The following PTPRE variants were observed in gnomAD, a reference collection of about 807,000 sequenced individuals.
PTPRE encodes protein tyrosine phosphatase receptor type E.
Under a neutral mutation model 102.0 loss-of-function variants are expected in PTPRE, and 51 were observed. The observed-to-expected ratio is 0.50, with a 90% CI of 0.40 to 0.63. The LOEUF is 0.63. PTPRE is among the 30% of genes least tolerant of loss of function. The pLI is 0.00. For synonymous variants in PTPRE, 345 were observed against 348.2 expected, an observed-to-expected ratio of 0.99 and a Z score of 0.10; for missense variants, 752 against 915.1, an observed-to-expected ratio of 0.82 and a Z score of 2.30.
intron 12 of PTPRE, 185 bp downstream of exon 12, chr10:128,068,471 C>T (rs1044655364): frequency 1.2e-5 from 7 of 563,388 alleles, no homozygotes; most frequent in Non-Finnish European, 1.7e-5. Flanking sequence ...TTCAGAGAGC[C>T]CCCTCTTCAT....
chr10:127,983,356 C>T (rs61732645), intron 2 of PTPRE, among the ~76,000 whole-genome samples: 267 of 152,256 alleles, frequency 1.8e-3, no homozygotes, highest in Middle Eastern at 6.8e-3. Context: ...TCTATGTTCT[C>T]CATTGCATCA....
rs1848471605 is a variant in PTPRE, at chr10:127,944,451, G to A, written c.-31+37142G>A. ...AAGTGGATGGATGGATGGACAGATG[G>A]ATGGATACATGGACAGACGGATGGA... On this transcript the variant is annotated intron_variant, in intron 1 of 20. Coordinates refer to ENST00000254667, the MANE Select transcript of PTPRE (RefSeq NM_006504.6). The surrounding 1 kb of genome is among the most constrained non-coding windows in gnomAD (Gnocchi z 4.2). Among the ~76,000 whole-genome samples, 1 of 151,508 alleles carries A rather than the reference G, an allele frequency of 6.6e-6. No individual in the cohort carries two copies. The highest frequency in any genetic ancestry group is 2.4e-5 in the African/African-American group (1 of 41,194).
At chr10:127,967,548 T>C (rs1319629358) in intron 1 of PTPRE, among the ~76,000 whole-genome samples, 3 of 152,244 alleles carry the variant, frequency 2.0e-5, no homozygotes, top group Non-Finnish European at 4.4e-5. Context: ...TGTGAGGCCT[T>C]CCCAGCCATG....
intron 2 of PTPRE, among the ~76,000 whole-genome samples, chr10:127,993,900 T>C (rs1338149993): frequency 6.6e-6 from 1 of 151,950 alleles, no homozygotes; most frequent in African/African-American, 2.4e-5. Flanking sequence ...ATCCTCCCTG[T>C]TGAGGAGTTG....
intron 20 of PTPRE, among the ~76,000 whole-genome samples, chr10:128,080,903 C>T (rs1851654664): frequency 6.6e-6 from 1 of 152,178 alleles, no homozygotes; most frequent in Non-Finnish European, 1.5e-5. Context: ...GCGTTGGGCG[C>T]AGTGCAACCA....
chr10:128,026,433 T>G (rs61873759), intron 2 of PTPRE, among the ~76,000 whole-genome samples: 3 of 152,066 alleles, frequency 2.0e-5, no homozygotes, highest in Non-Finnish European at 4.4e-5. Flanking sequence ...AAGGAAGATA[T>G]AGAACAACGC....
At chr10:128,067,339 CACACACATT>C (rs1590210982) in intron 11 of PTPRE, among the ~76,000 whole-genome samples, 1 of 143,918 alleles carries the variant, frequency 6.9e-6, no homozygotes, top group East Asian at 2.2e-4. Flanking sequence ...CACATACATC[CACACACATT>C]CACACACGCA....
intron 2 of PTPRE, among the ~76,000 whole-genome samples, chr10:128,001,766 A>G (rs1400938696): frequency 1.3e-5 from 2 of 152,126 alleles, no homozygotes; most frequent in Non-Finnish European, 2.9e-5. Context: ...TAGTATTAGG[A>G]GCTGCGGAAA....
intron 3 of PTPRE, among the ~76,000 whole-genome samples, chr10:128,042,021 C>A (rs1192193374): frequency 8.5e-5 from 13 of 152,186 alleles, no homozygotes; most frequent in Non-Finnish European, 1.8e-4. Flanking sequence ...TTTTCCTCTT[C>A]ATGTTGAAAC....
At chr10:127,993,558 T>C (rs570852275) in intron 2 of PTPRE, among the ~76,000 whole-genome samples, 3 of 152,138 alleles carry the variant, frequency 2.0e-5, no homozygotes, top group East Asian at 3.9e-4. Flanking sequence ...GGAACCTGCG[T>C]TGCTGATGGA....
intron 2 of PTPRE, among the ~76,000 whole-genome samples, chr10:128,038,056 C>T (rs980358375): frequency 4.0e-5 from 6 of 151,252 alleles, no homozygotes; most frequent in African/African-American, 7.3e-5. Context: ...CCGCCTCGGC[C>T]TCTCAAAATA....
intron 5 of PTPRE, 71 bp downstream of exon 5, chr10:128,047,908 T>C (rs1395896137): frequency 6.8e-7 from 1 of 1,460,722 alleles, no homozygotes; most frequent in Non-Finnish European, 9.2e-7. Flanking sequence ...TGAGGTGCTT[T>C]CTGCCTTTAA....
intron 3 of PTPRE, among the ~76,000 whole-genome samples, chr10:128,041,646 C>CAAAAA (rs59411622): frequency 3.9e-5 from 3 of 77,366 alleles, no homozygotes; most frequent in African/African-American, 5.4e-5. Flanking sequence ...GACTACGTCT[C>CAAAAA]AAAAAAAAAA....
chr10:128,015,485 G>A (rs1199626256), intron 2 of PTPRE, among the ~76,000 whole-genome samples: 1 of 152,044 alleles, frequency 6.6e-6, no homozygotes, highest in African/African-American at 2.4e-5. Flanking sequence ...TCCTGCCTCA[G>A]CCTCCTGAGT....
intron 16 of PTPRE, among the ~76,000 whole-genome samples, chr10:128,072,915 C>A (rs1363456372): frequency 6.6e-6 from 1 of 152,138 alleles, no homozygotes; most frequent in Non-Finnish European, 1.5e-5. Context: ...GTGGAGTTCG[C>A]AGAAGAAGGG....
At chr10:128,027,581 T>TA (rs1846375764) in intron 2 of PTPRE, among the ~76,000 whole-genome samples, 1 of 152,184 alleles carries the variant, frequency 6.6e-6, no homozygotes, top group African/African-American at 2.4e-5. Context: ...CTTTCCTTCC[T>TA]AATCCAGAAA....
intron 1 of PTPRE, among the ~76,000 whole-genome samples, chr10:127,976,961 C>T (rs542973575): frequency 2.8e-4 from 43 of 152,190 alleles, no homozygotes; most frequent in Non-Finnish European, 5.9e-4. Flanking sequence ...CCGCAGGGGC[C>T]GTGGCTGCGG....
At chr10:128,071,170 G>C in intron 15 of PTPRE, 1 of 483,588 alleles carries the variant, frequency 2.1e-6, no homozygotes, top group South Asian at 2.7e-5. Context: ...GGCAGCCGAG[G>C]CTGATTTCAG....
chr10:127,966,047 G>C (rs998265177), intron 1 of PTPRE, among the ~76,000 whole-genome samples: 2 of 152,266 alleles, frequency 1.3e-5, no homozygotes, highest in Non-Finnish European at 2.9e-5. Context: ...CACACTCACT[G>C]TACAAGGAAG....
Sources: allele counts gnomAD v4.1 joint callset (sites outside exome capture counted in the v4.1 genomes callset), GRCh38; gene constraint gnomAD v4.1.1; non-coding constraint Gnocchi (gnomAD v3.1); transcripts MANE v1.5; gene names NCBI Gene and HGNC (gene_info 2026-07-23, HGNC 2026-07-21).